LRFN2: variants seen among roughly 807,000 people sequenced by gnomAD.
The protein encoded by LRFN2 is leucine rich repeat and fibronectin type III domain containing 2.
LRFN2 carries 18 observed loss-of-function variants against 37.3 expected under a neutral mutation model. The observed-to-expected ratio is 0.48, with a 90% CI of 0.33 to 0.72. LRFN2 has a LOEUF of 0.72. LRFN2 is among the 30% of genes least tolerant of loss of function. The pLI is 0.02. For synonymous variants in LRFN2, 556 were observed against 466.6 expected (o/e 1.19, Z -2.47); for missense variants, 1,006 against 1,060.7 (o/e 0.95, Z 0.72).
chr6:40,391,880 C>T lies in LRFN2; in HGVS notation c.*63G>A. ...ACCATGGAAACTCCACAAACACTTG[C>T]CAGTGAGATTCTTTCCCCTTCTCCC... On this transcript the variant is annotated 3_prime_UTR_variant, in exon 3 of 3. Coordinates refer to ENST00000338305, the MANE Select transcript of LRFN2 (RefSeq NM_020737.3). The T allele has an allele frequency of 6.9e-7, 1 of 1,455,114 alleles. No individual in the cohort carries two copies. Among genetic ancestry groups the T allele is most frequent in the Non-Finnish European group, 9.1e-7 (1 of 1,093,590 alleles). 90.1% of individuals were successfully genotyped at this position (1,455,114 alleles called of 1,614,324 possible).
chr6:40,506,308 CT>C (rs1423834738), intron 1 of LRFN2, among the ~76,000 whole-genome samples: 1 of 152,168 alleles, frequency 6.6e-6, no homozygotes, highest in African/African-American at 2.4e-5. Flanking sequence ...TTTCTGCTCT[CT>C]TTTCATGTGG....
intron 1 of LRFN2, among the ~76,000 whole-genome samples, chr6:40,554,075 C>A (rs1220185167): frequency 6.6e-6 from 1 of 152,192 alleles, no homozygotes; most frequent in African/African-American, 2.4e-5. Flanking sequence ...CTACCTACGA[C>A]CCTCCATTGC....
intron 1 of LRFN2, among the ~76,000 whole-genome samples, chr6:40,460,738 C>T (rs1764329707): frequency 6.6e-6 from 1 of 152,126 alleles, no homozygotes; most frequent in Admixed American, 6.5e-5. Flanking sequence ...CCCTCCATAG[C>T]CCCTGGGATA....
intron 1 of LRFN2, among the ~76,000 whole-genome samples, chr6:40,581,245 G>A (rs1055824830): frequency 6.6e-6 from 1 of 152,226 alleles, no homozygotes; most frequent in African/African-American, 2.4e-5. Context: ...CCAGGGCCTA[G>A]ATGGCTCCGC....
intron 1 of LRFN2, among the ~76,000 whole-genome samples, chr6:40,482,640 C>G (rs1218658399): frequency 6.6e-6 from 1 of 152,248 alleles, no homozygotes; most frequent in Middle Eastern, 3.2e-3. Flanking sequence ...CATCTGCCAG[C>G]TCCTCTGAAG....
At chr6:40,536,248 G>A (rs1405185937) in intron 1 of LRFN2, among the ~76,000 whole-genome samples, 1 of 152,064 alleles carries the variant, frequency 6.6e-6, no homozygotes, top group Non-Finnish European at 1.5e-5. Flanking sequence ...CAGTCTGAGG[G>A]GAGACACAGC....
At chr6:40,486,526 G>C (rs969472241) in intron 1 of LRFN2, among the ~76,000 whole-genome samples, 2 of 152,140 alleles carry the variant, frequency 1.3e-5, no homozygotes, top group Non-Finnish European at 2.9e-5. Flanking sequence ...CATCTCAGCG[G>C]ACCTGTGCCT....
At position 40,467,602 on chromosome 6, in the gene LRFN2, A is replaced by G. The variant is rs541206839; in HGVS notation, c.-18-34471T>C. Reference sequence around the variant, plus strand: ...TATCTGCAACCTGAATGGTAAGAAGAAAAAACAAGGAAGTTCCAGAGAGCC... The same window carrying G: ...TATCTGCAACCTGAATGGTAAGAAGGAAAAACAAGGAAGTTCCAGAGAGCC... On this transcript the variant is annotated intron_variant, in intron 1 of 2. Transcript: ENST00000338305. Among the ~76,000 whole-genome samples the G allele has an allele frequency of 3.9e-5, 6 of 152,280 alleles. No individual in the cohort carries two copies. In the East Asian group the frequency reaches 9.7e-4, roughly 25 times the overall value.
At chr6:40,449,670 C>T (rs1042514691) in intron 1 of LRFN2, among the ~76,000 whole-genome samples, 9 of 152,134 alleles carry the variant, frequency 5.9e-5, no homozygotes, top group Non-Finnish European at 8.8e-5. Flanking sequence ...CCTGAACTTC[C>T]CACAGTTTGT....
chr6:40,577,136 G>C (rs34405636), intron 1 of LRFN2, among the ~76,000 whole-genome samples: 61,162 of 130,020 alleles, frequency 0.47, 16,339 homozygotes, highest in Middle Eastern at 0.58. Flanking sequence ...GAGTCTCGCT[G>C]TCTCACCCAG....
intron 1 of LRFN2, among the ~76,000 whole-genome samples, chr6:40,552,007 A>G (rs372940182): frequency 1.3e-5 from 2 of 152,162 alleles, no homozygotes; most frequent in East Asian, 3.9e-4. Flanking sequence ...CATTTATACA[A>G]AATCCTCGTG....
intron 1 of LRFN2, among the ~76,000 whole-genome samples, chr6:40,541,474 T>TCA (rs1766554221): frequency 6.6e-6 from 1 of 152,002 alleles, no homozygotes. Context: ...TTCCCAGGTG[T>TCA]CCCTAAGAGG....
chr6:40,446,930 AGGATGGAGCTGTGTCTCCCTCAGACTGG>A (rs1763983640), intron 1 of LRFN2, among the ~76,000 whole-genome samples: 2 of 146,242 alleles, frequency 1.4e-5, no homozygotes, highest in Admixed American at 1.4e-4. Flanking sequence ...GGGCTTCCTG[AGGATGGAGCTGTGTCTCCCTCAGACTGG>A]GGTTCCCTGA....
intron 2 of LRFN2, among the ~76,000 whole-genome samples, chr6:40,430,258 A>C (rs1392623651): frequency 6.6e-6 from 1 of 152,180 alleles, no homozygotes; most frequent in Non-Finnish European, 1.5e-5. Flanking sequence ...CGGTTTCCAC[A>C]ACATACCCAC....
At chr6:40,399,325 A>G (rs1190457399) in intron 2 of LRFN2, among the ~76,000 whole-genome samples, 1 of 150,802 alleles carries the variant, frequency 6.6e-6, no homozygotes, top group East Asian at 1.9e-4. Context: ...CCCCCCACCC[A>G]CTGCTCCCAT....
chr6:40,465,634 C>G (rs775514587), intron 1 of LRFN2, among the ~76,000 whole-genome samples: 1 of 152,198 alleles, frequency 6.6e-6, no homozygotes, highest in African/African-American at 2.4e-5. Context: ...AACCTGGGCT[C>G]TCCTGACCCA....
rs205526 is a variant in LRFN2, at chr6:40,520,285, G to A, written c.-19+66656C>T. Among the ~76,000 whole-genome samples, 311 of 152,224 alleles carry A rather than the reference G, an allele frequency of 2.0e-3. 2 individuals are homozygous for A. Among genetic ancestry groups the A allele is most frequent in the African/African-American group, 7.2e-3 (298 of 41,530 alleles). On this transcript the variant is annotated intron_variant, in intron 1 of 2. Coordinates refer to ENST00000338305, the MANE Select transcript of LRFN2 (RefSeq NM_020737.3). ...TGATGAAGGGGTGGAGGAGTGCAGA[G>A]GGGCTGGGAGACAGGACAGGCAGCT...
intron 1 of LRFN2, among the ~76,000 whole-genome samples, chr6:40,468,463 T>C (rs1340146524): frequency 6.6e-6 from 1 of 152,120 alleles, no homozygotes; most frequent in African/African-American, 2.4e-5. Flanking sequence ...AAGGGGTGTT[T>C]GAATGGGCGG....
At chr6:40,486,328 G>A (rs1319438443) in intron 1 of LRFN2, among the ~76,000 whole-genome samples, 1 of 152,156 alleles carries the variant, frequency 6.6e-6, no homozygotes, top group Non-Finnish European at 1.5e-5. Context: ...ATCTTAGAAG[G>A]AACTCAAGAC....
Sources: gnomAD v4.1 joint callset for allele counts (sites outside exome capture counted in the v4.1 genomes callset) on GRCh38, gnomAD v4.1.1 for gene constraint, MANE v1.5 for transcripts, NCBI Gene and HGNC (gene_info 2026-07-23, HGNC 2026-07-21) for gene names.